The following STK32A variants were observed in gnomAD, a reference collection of about 807,000 sequenced individuals.
STK32A encodes the protein serine/threonine-protein kinase 32A.
STK32A carries 41 observed loss-of-function variants against 53.2 expected under a neutral mutation model. The ratio of observed to expected loss-of-function variants is 0.77; its 90% CI spans 0.60 to 1.00. STK32A has a LOEUF of 1.00. Among genes scored for constraint, STK32A ranks in the 50% least tolerant of loss-of-function variants. STK32A has a pLI of 0.00. For synonymous variants in STK32A, 166 were observed against 162.8 expected (o/e 1.02, Z -0.15); for missense variants, 458 against 485.8 (o/e 0.94, Z 0.54).
chr5:147,353,652 C>G lies in STK32A; in HGVS notation c.562+2498C>G, dbSNP rs560741265. Reference sequence around the variant, plus strand: ...GCGTGCATCTGTAGTCATAGCTACTCGGGAGGCTGAGGCAGGAAAATCACT... The same window carrying G: ...GCGTGCATCTGTAGTCATAGCTACTGGGGAGGCTGAGGCAGGAAAATCACT... On this transcript the variant is annotated intron_variant, in intron 7 of 12. Transcript: ENST00000397936. Among the ~76,000 whole-genome samples the G allele has an allele frequency of 3.7e-4, 56 of 151,916 alleles. 1 individual carries two copies. The highest frequency in any genetic ancestry group is 1.3e-3 in the African/African-American group (54 of 41,460).
At chr5:147,259,292 G>T (rs959531402) in intron 2 of STK32A, among the ~76,000 whole-genome samples, 1 of 152,090 alleles carries the variant, frequency 6.6e-6, no homozygotes, top group African/African-American at 2.4e-5. Flanking sequence ...TCACAATGAG[G>T]TTTCCTCTAA....
rs569675847 is a variant in STK32A, at chr5:147,361,506, G to C, written c.563-11G>C. On this transcript the variant is annotated splice_polypyrimidine_tract_variant and intron_variant, in intron 7 of 12. Transcript: ENST00000397936. ...GGGAATCAAACTGGTTTAATTTTTCGTGTTTTTCAGCACCTGAGATGTTCA... is the reference window on the plus strand; with the variant it reads ...GGGAATCAAACTGGTTTAATTTTTCCTGTTTTTCAGCACCTGAGATGTTCA... 1 of 1,596,922 alleles carries C rather than the reference G, an allele frequency of 6.3e-7. No individual in the cohort carries two copies. Among genetic ancestry groups the C allele is most frequent in the Admixed American group, 1.7e-5 (1 of 59,180 alleles).
chr5:147,248,171 A>G (rs1753835121), intron 2 of STK32A, among the ~76,000 whole-genome samples: 1 of 151,712 alleles, frequency 6.6e-6, no homozygotes, highest in African/African-American at 2.4e-5. Context: ...TTCATGAGCT[A>G]TACAAAAATA....
chr5:147,333,250 G>T (rs1356163716), intron 5 of STK32A, among the ~76,000 whole-genome samples: 1 of 152,126 alleles, frequency 6.6e-6, no homozygotes, highest in Non-Finnish European at 1.5e-5. Flanking sequence ...ACACATTTTT[G>T]ACTTATAAAT....
intron 2 of STK32A, among the ~76,000 whole-genome samples, chr5:147,242,863 C>T (rs1424418700): frequency 6.6e-6 from 1 of 152,114 alleles, no homozygotes; most frequent in Non-Finnish European, 1.5e-5. Context: ...TCACATAAAT[C>T]TGGATTGAGC....
chr5:147,277,992 G>C, intron 2 of STK32A, 132 bp from the exon 3 acceptor site: 1 of 717,560 alleles, frequency 1.4e-6, no homozygotes, highest in Non-Finnish European at 2.4e-6. Flanking sequence ...TGGATGATTA[G>C]ATTGGCATTT....
At chr5:147,383,138 C>A in intron 11 of STK32A, 1 of 381,838 alleles carries the variant, frequency 2.6e-6, no homozygotes, top group Admixed American at 4.9e-5. Flanking sequence ...ATTAACTGCG[C>A]TTTGCCACCC....
At chr5:147,244,539 G>A (rs1753706110) in intron 2 of STK32A, among the ~76,000 whole-genome samples, 1 of 152,194 alleles carries the variant, frequency 6.6e-6, no homozygotes, top group African/African-American at 2.4e-5. Flanking sequence ...GGCATGCACA[G>A]GTTCAAGTCT....
intron 11 of STK32A, among the ~76,000 whole-genome samples, chr5:147,380,016 T>C (rs925247061): frequency 3.3e-5 from 5 of 152,116 alleles, no homozygotes; most frequent in Non-Finnish European, 5.9e-5. Flanking sequence ...AAGTTGAACA[T>C]GAACCCTTTA....
At chr5:147,378,345 G>A (rs1297441582) in intron 11 of STK32A, among the ~76,000 whole-genome samples, 1 of 152,040 alleles carries the variant, frequency 6.6e-6, no homozygotes, top group African/African-American at 2.4e-5. Context: ...ACATCTCAGG[G>A]CACAGGCAGA....
chr5:147,299,812 T>C (rs1035296088), intron 4 of STK32A, among the ~76,000 whole-genome samples: 1 of 152,174 alleles, frequency 6.6e-6, no homozygotes, highest in South Asian at 2.1e-4. Flanking sequence ...CGTAAGCTAT[T>C]GATAGGCTAC....
At chr5:147,268,052 C>G (rs1264996083) in intron 2 of STK32A, among the ~76,000 whole-genome samples, 2 of 152,066 alleles carry the variant, frequency 1.3e-5, no homozygotes, top group Non-Finnish European at 2.9e-5. Context: ...TCAGATAAGG[C>G]CAATGAATCT....
chr5:147,304,479 T>C (rs1753304331), intron 4 of STK32A, among the ~76,000 whole-genome samples: 1 of 152,106 alleles, frequency 6.6e-6, no homozygotes, highest in African/African-American at 2.4e-5. Context: ...CAAAGGGAAA[T>C]TCAGGGAGTA....
At chr5:147,398,231 C>T in the STK32A span, among the ~76,000 whole-genome samples, 1 of 152,254 alleles carries the variant, frequency 6.6e-6, no homozygotes, top group East Asian at 1.9e-4. Context: ...TGAGATGACA[C>T]AATATTTAAG....
At chr5:147,288,308 A>G (rs1015503441) in intron 4 of STK32A, among the ~76,000 whole-genome samples, 6 of 152,218 alleles carry the variant, frequency 3.9e-5, no homozygotes, top group African/African-American at 1.4e-4. Context: ...ACAAATCTGT[A>G]TCATTCTTCC....
chr5:147,348,596 T>C (rs538870603), intron 6 of STK32A: 10 of 713,206 alleles, frequency 1.4e-5, no homozygotes, highest in Non-Finnish European at 2.4e-5. Context: ...CATAATCTTG[T>C]AGCTGAGTCA....
chr5:147,280,250 T>C (rs985577962), intron 4 of STK32A, among the ~76,000 whole-genome samples: 1 of 152,050 alleles, frequency 6.6e-6, no homozygotes, highest in African/African-American at 2.4e-5. Flanking sequence ...AGAAAGCGCC[T>C]GGCCAGAACT....
At chr5:147,299,255 A>G (rs554036253) in intron 4 of STK32A, among the ~76,000 whole-genome samples, 245 of 152,104 alleles carry the variant, frequency 1.6e-3, no homozygotes, top group African/African-American at 5.3e-3. Context: ...TGACATTGCC[A>G]TGGCATTTGT....
intron 5 of STK32A, among the ~76,000 whole-genome samples, chr5:147,341,991 T>C (rs1415876470): frequency 6.6e-6 from 1 of 152,146 alleles, no homozygotes; most frequent in East Asian, 1.9e-4. Context: ...TGGTGAATAT[T>C]ATAGTAAGGA....
Sources: allele counts gnomAD v4.1 joint callset (sites outside exome capture counted in the v4.1 genomes callset), GRCh38; gene constraint gnomAD v4.1.1; transcripts MANE v1.5; gene names NCBI Gene and HGNC (gene_info 2026-07-23, HGNC 2026-07-21).